The following PRKCB variants were observed in gnomAD, a reference collection of about 807,000 sequenced individuals.
PRKCB encodes protein kinase C beta.
PRKCB carries 13 observed loss-of-function variants against 81.5 expected under a neutral mutation model. That is an observed-to-expected ratio of 0.16 (90% confidence interval 0.10 to 0.25). The LOEUF is 0.25. PRKCB is among the 10% of genes least tolerant of loss of function. PRKCB has a pLI of 1.00. For missense variants in PRKCB, 509 were observed against 875.7 expected (o/e 0.58, Z 5.29); for synonymous variants, 335 against 321.4 (o/e 1.04, Z -0.45).
In PRKCB at chr16:23,903,379, G is replaced by A. The variant is rs145616656; in HGVS notation, c.205+65973G>A. ...GGAGACAGGTCTGCTCCGTACATCT[G>A]GGGATTGGTATTACCACATCATTTC... On this transcript the variant is annotated intron_variant, in intron 2 of 16. Transcript: ENST00000643927. 4.5e-3 allele frequency among the ~76,000 whole-genome samples: 684 copies of A among 152,074 alleles called. 1 individual carries two copies. The highest frequency in any genetic ancestry group is 7.4e-3 in the Non-Finnish European group (502 of 67,970).
At chr16:24,021,085 T>TTCTTTCTTTCTTTCTTTCTTTC (rs755362261) in intron 3 of PRKCB, among the ~76,000 whole-genome samples, 13 of 130,246 alleles carry the variant, frequency 1.0e-4, no homozygotes, top group African/African-American at 4.0e-4. Context: ...CTTTCTTTCT[T>TTCTTTCTTTCTTTCTTTCTTTC]TCTTTTTTTC....
At chr16:24,172,248 G>T in intron 10 of PRKCB, 22 bp from the exon 11 acceptor site, 1 of 1,590,774 alleles carries the variant, frequency 6.3e-7, no homozygotes, top group East Asian at 2.2e-5. Context: ...TGCTAATGTT[G>T]CTGTTTGCTG....
chr16:24,190,134 G>A (rs926089731), intron 15 of PRKCB, among the ~76,000 whole-genome samples: 12 of 152,110 alleles, frequency 7.9e-5, no homozygotes, highest in African/African-American at 1.4e-4. Flanking sequence ...TAATTTAAAC[G>A]GAACACCAAA....
intron 9 of PRKCB, chr16:24,151,967 C>T (rs532975118): frequency 2.2e-6 from 1 of 451,592 alleles, no homozygotes; most frequent in African/African-American, 2.0e-5. Context: ...CCTATCATGA[C>T]TGCATCTGCA....
At chr16:24,020,980 CTTTCTT>C (rs1195022204) in intron 3 of PRKCB, among the ~76,000 whole-genome samples, 2 of 90,422 alleles carry the variant, frequency 2.2e-5, no homozygotes, top group African/African-American at 4.7e-5. Flanking sequence ...TTTTCTTTTT[CTTTCTT>C]TCTTTCTTTC....
chr16:23,886,406 GTTTTTTT>G (rs398029038), intron 2 of PRKCB, among the ~76,000 whole-genome samples: 8 of 70,218 alleles, frequency 1.1e-4, no homozygotes, highest in African/African-American at 3.2e-4. Context: ...TGTGTTAGGT[GTTTTTTT>G]TTTTTTTTTT....
At chr16:24,121,469 T>C (rs1966797485) in intron 8 of PRKCB, among the ~76,000 whole-genome samples, 1 of 152,162 alleles carries the variant, frequency 6.6e-6, no homozygotes, top group Admixed American at 6.5e-5. Flanking sequence ...TTCCAACTCC[T>C]GGGCTTAAGG....
At chr16:23,881,937 A>G (rs1332397983) in intron 2 of PRKCB, among the ~76,000 whole-genome samples, 1 of 149,030 alleles carries the variant, frequency 6.7e-6, no homozygotes, top group Admixed American at 6.7e-5. Context: ...TTGTCTTTTC[A>G]TGGCTGGTTT....
intron 2 of PRKCB, among the ~76,000 whole-genome samples, chr16:23,868,840 A>G (rs1018836726): frequency 5.9e-5 from 9 of 152,216 alleles, no homozygotes; most frequent in Admixed American, 5.2e-4. Context: ...TTGGCTGATT[A>G]CAATCTTGAA....
At chr16:23,850,271 G>A (rs1962450877) in intron 2 of PRKCB, among the ~76,000 whole-genome samples, 1 of 151,930 alleles carries the variant, frequency 6.6e-6, no homozygotes, top group African/African-American at 2.4e-5. Context: ...AAGTAGTACT[G>A]CAACAAACAT....
chr16:23,859,740 T>C (rs551199208), intron 2 of PRKCB, among the ~76,000 whole-genome samples: 1 of 152,054 alleles, frequency 6.6e-6, no homozygotes, highest in East Asian at 1.9e-4. Flanking sequence ...CGGGGATGTT[T>C]AGCTTGAAGA....
intron 5 of PRKCB, among the ~76,000 whole-genome samples, chr16:24,073,792 T>C (rs1302852456): frequency 6.6e-6 from 1 of 152,190 alleles, no homozygotes; most frequent in Non-Finnish European, 1.5e-5. Flanking sequence ...AATATGTTGA[T>C]CTTTTCCAGA....
chr16:24,072,997 T>C (rs1966132555), intron 5 of PRKCB, among the ~76,000 whole-genome samples: 1 of 152,186 alleles, frequency 6.6e-6, no homozygotes, highest in South Asian at 2.1e-4. Flanking sequence ...TCAGAGATGA[T>C]TATCAAAACA....
chr16:24,077,379 C>G (rs983954762), intron 5 of PRKCB, among the ~76,000 whole-genome samples: 1 of 151,888 alleles, frequency 6.6e-6, no homozygotes, highest in Non-Finnish European at 1.5e-5. Flanking sequence ...ATCCATCCAT[C>G]CACCCATGCA....
intron 5 of PRKCB, among the ~76,000 whole-genome samples, chr16:24,091,624 T>C (rs905856483): frequency 1.3e-5 from 2 of 152,182 alleles, no homozygotes; most frequent in African/African-American, 2.4e-5. Context: ...GTTCATCTTT[T>C]TTTTTTGACG....
chr16:23,846,890 T>C (rs1180347931), intron 2 of PRKCB, among the ~76,000 whole-genome samples: 1 of 152,138 alleles, frequency 6.6e-6, no homozygotes, highest in Admixed American at 6.5e-5. Context: ...GCTAAGCTGT[T>C]AATCATTACC....
rs184451129 is a variant in PRKCB at position 24,161,821 on chromosome 16, G to A, written c.1239+6964G>A. Among the ~76,000 whole-genome samples the A allele has an allele frequency of 3.2e-4, 49 of 152,210 alleles. 1 individual carries two copies. In the East Asian group the frequency reaches 5.6e-3, roughly 17 times the overall value. On this transcript the variant is annotated intron_variant, in intron 10 of 16. Coordinates refer to ENST00000643927, the MANE Select transcript of PRKCB (RefSeq NM_002738.7). ...TAATAAACATGAAATGGAGGTTGCC[G>A]GCATTATTAGAGCTGGACTGGAGGT...
At chr16:24,067,941 CAAAAAAA>C (rs912993889) in intron 5 of PRKCB, among the ~76,000 whole-genome samples, 133 of 77,074 alleles carry the variant, frequency 1.7e-3, no homozygotes, top group Non-Finnish European at 2.9e-3. Context: ...GACTCCGTCT[CAAAAAAA>C]AAAAAAAAAA....
rs371650623 is a variant in PRKCB at position 23,988,567 on chromosome 16, G to A, written c.265G>A (p.Ala89Thr). Residue 89 changes from alanine to threonine, a missense_variant, in exon 3 of 17, where the codon GCT (alanine) becomes ACT (threonine). By Grantham distance (58) the Ala-to-Thr change is moderately conservative. This residue lies in a region of PRKCB where 184 missense variants were observed against 362.9 expected (regional missense o/e 0.51). Transcript: ENST00000643927. Reference sequence around the variant, plus strand: ...ATTTGTCACATTCTCCTGCCCTGGCGCTGACAAGGGTCCAGCCTCCGATGT... The same window carrying A: ...ATTTGTCACATTCTCCTGCCCTGGCACTGACAAGGGTCCAGCCTCCGATGT... ...HEFVTFSCPG[A>T]DKGPASDDPR... The A allele has an allele frequency of 3.2e-5, 51 of 1,613,824 alleles. No individual in the cohort carries two copies. Among genetic ancestry groups the A allele is most frequent in the Non-Finnish European group, 4.1e-5 (48 of 1,179,918 alleles).
Sources: gnomAD v4.1 joint callset for allele counts (sites outside exome capture counted in the v4.1 genomes callset) on GRCh38, gnomAD v4.1.1 for gene constraint, gnomAD v4.1.1 regional missense constraint, MANE v1.5 for transcripts, NCBI Gene and HGNC (gene_info 2026-07-23, HGNC 2026-07-21) for gene names.